The following CLEC9A variants were observed in gnomAD, a reference collection of about 807,000 sequenced individuals.
CLEC9A encodes the protein C-type lectin domain family 9 member A.
In CLEC9A, 24 loss-of-function variants were observed where a neutral mutation model predicts 30.0. That is an observed-to-expected ratio of 0.80 (90% CI 0.58 to 1.13). The LOEUF is 1.13. Among genes scored for constraint, CLEC9A ranks in the 50% most tolerant of loss-of-function variants. The pLI is 0.00. For synonymous variants in CLEC9A, 111 were observed against 96.8 expected (o/e 1.15, Z -0.86); for missense variants, 251 against 280.9 (o/e 0.89, Z 0.76).
In CLEC9A at chr12:10,043,380, C is replaced by G. The variant is rs117268162; in HGVS notation, c.-163+1760C>G. 66 of 177,902 alleles carry G rather than the reference C, an allele frequency of 3.7e-4. 1 individual carries two copies. The East Asian group carries it at 0.011, about 30-fold the overall frequency. The allele number at this position is 177,902 out of a possible 1,614,324, so 11.0% of individuals were successfully genotyped here. ...TAGAAACTTATTCTTGAGATCCGCTCTCATCTCAGTCCAAGTCACTTAATA... is the reference window on the plus strand; with the variant it reads ...TAGAAACTTATTCTTGAGATCCGCTGTCATCTCAGTCCAAGTCACTTAATA... On this transcript the variant is annotated intron_variant, in intron 2 of 8. Coordinates refer to ENST00000355819, the MANE Select transcript of CLEC9A (RefSeq NM_207345.4).
Position 10,061,219 on chromosome 12 carries a change from T to G in CLEC9A, c.265T>G (p.Cys89Gly), listed in dbSNP as rs1219587363. 1 of 1,612,114 alleles carries G rather than the reference T, an allele frequency of 6.2e-7. No individual in the cohort carries two copies. Among genetic ancestry groups the G allele is most frequent in the Admixed American group, 1.7e-5 (1 of 59,452 alleles). Reference sequence around the variant, plus strand: ...AAACTTTACAGAATGGAAGAGAAGCTGTGCCCTTCAGATGAAATATTGCCA... The same window carrying G: ...AAACTTTACAGAATGGAAGAGAAGCGGTGCCCTTCAGATGAAATATTGCCA... Reference protein sequence around the residue: ...LLNFTEWKRSCALQMKYCQAF... With the variant: ...LLNFTEWKRSGALQMKYCQAF... The change falls in exon 6 of 9, where the codon TGT becomes GGT. Residue 89 changes from cysteine (C) to glycine (G), a missense_variant. Cys to Gly is a radical substitution (Grantham distance 159, BLOSUM62 -3). Coordinates refer to ENST00000355819, the MANE Select transcript of CLEC9A (RefSeq NM_207345.4).
intron 5 of CLEC9A, among the ~76,000 whole-genome samples, chr12:10,057,042 T>C (rs975455681): frequency 2.0e-5 from 3 of 152,074 alleles, no homozygotes; most frequent in African/African-American, 7.2e-5. Context: ...TAGGTCTTCT[T>C]ATACATTTTT....
In CLEC9A at chr12:10,053,361, G is replaced by A. The variant is rs544766593; in HGVS notation, c.91+583G>A. On this transcript the variant is annotated intron_variant, in intron 4 of 8. Coordinates refer to ENST00000355819, the MANE Select transcript of CLEC9A (RefSeq NM_207345.4). ...AGGTGTTGGCAGGGATCGAGTGGAA[G>A]ACTCTATCCCTTGTCTTTTCTGGTT... is the stretch of plus-strand genomic sequence containing the variant. Among the ~76,000 whole-genome samples the A allele has an allele frequency of 1.8e-4, 27 of 152,298 alleles. No homozygotes were observed. In the South Asian group the frequency reaches 5.4e-3, roughly 30 times the overall value.
intron 5 of CLEC9A, among the ~76,000 whole-genome samples, chr12:10,056,058 CA>C (rs58274495): frequency 0.062 from 2,956 of 47,366 alleles, 33 homozygotes; most frequent in East Asian, 0.21. Flanking sequence ...GACTCTGTCT[CA>C]AAAAAAAAAA....
In CLEC9A at chr12:10,061,213, A is replaced by C. The variant is rs1211030713; in HGVS notation, c.259A>C (p.Arg87=). Residue 87 remains arginine (R), a synonymous_variant, in exon 6 of 9, where the codon AGA becomes CGA. Transcript: ENST00000355819. ...RALLNFTEWK[R]SCALQMKYCQ... ...ACTGCTAAACTTTACAGAATGGAAG[A>C]GAAGCTGTGCCCTTCAGATGAAATA... The C allele has an allele frequency of 6.2e-7, 1 of 1,612,456 alleles. No individual in the cohort carries two copies. Among genetic ancestry groups the C allele is most frequent in the South Asian group, 1.1e-5 (1 of 90,684 alleles).
In CLEC9A at chr12:10,065,797, G is replaced by A. The variant is rs1282924888; in HGVS notation, c.*165G>A. On this transcript the variant is annotated 3_prime_UTR_variant, in exon 9 of 9. Transcript: ENST00000355819. The stretch of plus-strand genomic sequence containing the variant: ...ACACTTGGGAATATTCTTCCACACC[G>A]TCCAGATTTCATTTGATGTTGTTCA... The A allele has an allele frequency of 1.3e-5, 8 of 619,412 alleles. No homozygotes were observed. In the Admixed American group the frequency reaches 1.4e-4, roughly 11 times the overall value. The allele number at this position is 619,412 out of a possible 1,614,324, so 38.4% of individuals were successfully genotyped here.
chr12:10,058,578 C>T (rs765747382), intron 5 of CLEC9A, among the ~76,000 whole-genome samples: 4 of 152,122 alleles, frequency 2.6e-5, no homozygotes, highest in Non-Finnish European at 5.9e-5. Context: ...TTGCCCAGGC[C>T]GGAGTGCGGA....
chr12:10,032,432 C>T (rs1168267833), intron 1 of CLEC9A, among the ~76,000 whole-genome samples: 1 of 141,768 alleles, frequency 7.1e-6, no homozygotes, highest in Non-Finnish European at 1.5e-5. Context: ...GCTTTGTCAC[C>T]CAGGCTGGAC....
At chr12:10,052,439 A>C in intron 3 of CLEC9A, 191 bp from the exon 4 acceptor site, 4 of 1,071,548 alleles carry the variant, frequency 3.7e-6, no homozygotes, top group Non-Finnish European at 4.7e-6. Context: ...ATGTTCTATC[A>C]TTGGCCATTC....
At chr12:10,031,723 G>A (rs576478838) in intron 1 of CLEC9A, among the ~76,000 whole-genome samples, 8 of 152,266 alleles carry the variant, frequency 5.3e-5, no homozygotes, top group African/African-American at 1.9e-4. Flanking sequence ...AGGAGGTTGA[G>A]AAATGGGAGT....
At chr12:10,040,481 T>G (rs931708695) in intron 1 of CLEC9A, among the ~76,000 whole-genome samples, 1 of 151,282 alleles carries the variant, frequency 6.6e-6, no homozygotes, top group Non-Finnish European at 1.5e-5. Context: ...GATGGAGTCT[T>G]GCTCTGTCGC....
At chr12:10,048,231 C>A (rs1400104392) in intron 2 of CLEC9A, among the ~76,000 whole-genome samples, 14 of 138,756 alleles carry the variant, frequency 1.0e-4, no homozygotes, top group Middle Eastern at 3.4e-3. Context: ...CAGAGCGAGA[C>A]TCCGTCTCAA....
At chr12:10,055,425 A>T (rs1865933308) in intron 5 of CLEC9A, among the ~76,000 whole-genome samples, 1 of 152,222 alleles carries the variant, frequency 6.6e-6, no homozygotes, top group Admixed American at 6.5e-5. Context: ...CACATTGCCA[A>T]ACTTCATTGT....
At chr12:10,034,341 C>T (rs766799517) in intron 1 of CLEC9A, among the ~76,000 whole-genome samples, 39 of 152,178 alleles carry the variant, frequency 2.6e-4, no homozygotes, top group Admixed American at 8.5e-4. Context: ...GGGACATTGC[C>T]CAAGCACTGA....
chr12:10,037,830 C>T (rs1865756474), intron 1 of CLEC9A, among the ~76,000 whole-genome samples: 1 of 152,026 alleles, frequency 6.6e-6, no homozygotes, highest in African/African-American at 2.4e-5. Flanking sequence ...ATTTTATTAT[C>T]AAAGGTAACT....
At chr12:10,036,741 A>T (rs748767516) in intron 1 of CLEC9A, among the ~76,000 whole-genome samples, 4 of 152,242 alleles carry the variant, frequency 2.6e-5, no homozygotes, top group Non-Finnish European at 5.9e-5. Flanking sequence ...TATGAAAGAC[A>T]TCAAAGTGTA....
chr12:10,037,957 A>G (rs1268889252), intron 1 of CLEC9A, among the ~76,000 whole-genome samples: 10 of 152,120 alleles, frequency 6.6e-5, no homozygotes, highest in Non-Finnish European at 1.5e-4. Context: ...TAAAAAAAAA[A>G]GTTCACATAG....
intron 3 of CLEC9A, chr12:10,052,381 C>T: frequency 4.3e-6 from 2 of 460,364 alleles, no homozygotes; most frequent in South Asian, 5.7e-5. Context: ...TCTGAACTCA[C>T]TGCTATCACC....
chr12:10,047,238 A>G (rs532494206), intron 2 of CLEC9A, among the ~76,000 whole-genome samples: 124 of 152,358 alleles, frequency 8.1e-4, no homozygotes, highest in African/African-American at 2.7e-3. Context: ...ATAGGAACTA[A>G]TAATTCAGAA....
Sources: allele counts gnomAD v4.1 joint callset (sites outside exome capture counted in the v4.1 genomes callset), GRCh38; gene constraint gnomAD v4.1.1; transcripts MANE v1.5; gene names NCBI Gene and HGNC (gene_info 2026-07-23, HGNC 2026-07-21).